Variants in STAU1 observed in about 807,000 individuals in gnomAD.
The protein encoded by STAU1 is staufen double-stranded RNA binding protein 1, also known as double-stranded RNA-binding protein Staufen homolog 1.
STAU1 carries 13 observed loss-of-function variants against 62.9 expected under a neutral mutation model. The observed-to-expected ratio is 0.21, with a 90% CI of 0.13 to 0.33. The LOEUF (loss-of-function observed/expected upper bound fraction) is 0.33. STAU1 is among the 10% of genes least tolerant of loss of function. The pLI, the probability that STAU1 is intolerant of heterozygous loss-of-function variation, is 1.00. For synonymous variants in STAU1, 269 were observed against 265.1 expected, an observed-to-expected ratio of 1.01 and a Z score of -0.14; for missense variants, 571 against 712.1, an observed-to-expected ratio of 0.80 and a Z score of 2.25.
intron 1 of STAU1, among the ~76,000 whole-genome samples, chr20:49,187,426 A>T (rs1371569805): frequency 6.6e-6 from 1 of 152,194 alleles, no homozygotes; most frequent in East Asian, 1.9e-4. Flanking sequence ...GCAGCCTCTA[A>T]GAAACCCAAA....
At chr20:49,142,999 C>G (rs1419171827) in intron 5 of STAU1, among the ~76,000 whole-genome samples, 1 of 151,976 alleles carries the variant, frequency 6.6e-6, no homozygotes, top group Non-Finnish European at 1.5e-5. Context: ...TGAGGTCTCT[C>G]CATCTTGTCC....
At chr20:49,200,281 A>G in the STAU1 span, among the ~76,000 whole-genome samples, 1 of 152,162 alleles carries the variant, frequency 6.6e-6, no homozygotes, top group East Asian at 1.9e-4. Flanking sequence ...CATTTGTAAA[A>G]TGGAATCCAA....
chr20:49,156,956 A>C (rs1450965533), intron 3 of STAU1, among the ~76,000 whole-genome samples: 1 of 151,906 alleles, frequency 6.6e-6, no homozygotes, highest in Non-Finnish European at 1.5e-5. Context: ...GGCTCAATGC[A>C]ACCTCCACCT....
the STAU1 span, among the ~76,000 whole-genome samples, chr20:49,206,719 T>TATATATATATATATA: frequency 2.8e-5 from 3 of 106,036 alleles, no homozygotes; most frequent in South Asian, 6.4e-4. Context: ...AAATGAAATT[T>TATATATATATATATA]TATATATATA....
intron 3 of STAU1, among the ~76,000 whole-genome samples, chr20:49,157,909 G>A (rs185636748): frequency 7.9e-5 from 12 of 151,946 alleles, no homozygotes; most frequent in East Asian, 7.8e-4. Flanking sequence ...AGGCATGAGC[G>A]TTTCTATTTT....
chr20:49,184,242 T>C (rs2093760511), intron 1 of STAU1, among the ~76,000 whole-genome samples: 1 of 152,038 alleles, frequency 6.6e-6, no homozygotes, highest in South Asian at 2.1e-4. Context: ...ACTGCACCAT[T>C]GCACTGCAGC....
At chr20:49,216,023 A>AG in the STAU1 span, among the ~76,000 whole-genome samples, 2 of 148,988 alleles carry the variant, frequency 1.3e-5, no homozygotes, top group African/African-American at 4.9e-5. Context: ...AAAAAAAAAA[A>AG]AAAAAAAAAA....
intron 5 of STAU1, among the ~76,000 whole-genome samples, chr20:49,147,269 T>C (rs2093149432): frequency 6.6e-6 from 1 of 152,230 alleles, no homozygotes; most frequent in Non-Finnish European, 1.5e-5. Flanking sequence ...GCAGCTCCAT[T>C]TGACTAAGTT....
chr20:49,156,827 G>GT (rs1280856112), intron 3 of STAU1, among the ~76,000 whole-genome samples: 2 of 149,584 alleles, frequency 1.3e-5, no homozygotes, highest in Non-Finnish European at 3.0e-5. Context: ...CTTTTTTGTT[G>GT]TTTTTTATAA....
intron 2 of STAU1, among the ~76,000 whole-genome samples, chr20:49,171,918 TAA>T (rs767623434): frequency 2.2e-4 from 29 of 130,898 alleles, no homozygotes; most frequent in African/African-American, 1.7e-4. Flanking sequence ...CAAACTACTT[TAA>T]AAAAAAAAAA....
intron 5 of STAU1, among the ~76,000 whole-genome samples, chr20:49,148,340 G>C (rs1349476566): frequency 1.3e-5 from 2 of 152,062 alleles, no homozygotes; most frequent in African/African-American, 4.8e-5. Flanking sequence ...TTACATTCAG[G>C]CTTTCTGTAT....
the STAU1 span, among the ~76,000 whole-genome samples, chr20:49,202,359 C>T: frequency 2.6e-5 from 4 of 151,868 alleles, no homozygotes; most frequent in African/African-American, 7.3e-5. Flanking sequence ...GTCGGGAGTT[C>T]GAGATCAGCC....
chr20:49,183,258 T>G (rs768688152), intron 1 of STAU1, among the ~76,000 whole-genome samples: 7 of 152,360 alleles, frequency 4.6e-5, no homozygotes, highest in Non-Finnish European at 8.8e-5. Flanking sequence ...AATCCCATTC[T>G]GAGAGAAAAG....
intron 6 of STAU1, among the ~76,000 whole-genome samples, chr20:49,125,240 A>C (rs1287223441): frequency 1.4e-5 from 2 of 147,112 alleles, no homozygotes; most frequent in Admixed American, 6.8e-5. Context: ...GATAAAAAAA[A>C]TCAATGGGCT....
At chr20:49,134,448 A>AAAAAAAAAAAAAAAAAAAAAAG in intron 6 of STAU1, 3 of 625,642 alleles carry the variant, frequency 4.8e-6, no homozygotes, top group Non-Finnish European at 5.7e-6. Context: ...AAAAAAAAAA[A>AAAAAAAAAAAAAAAAAAAAAAG]AGCTCTGGGT....
At chr20:49,183,044 A>G (rs1361036011) in intron 1 of STAU1, among the ~76,000 whole-genome samples, 2 of 152,216 alleles carry the variant, frequency 1.3e-5, no homozygotes, top group Admixed American at 6.5e-5. Context: ...CTGGCAATTT[A>G]TATTTTTTGG....
the STAU1 span, among the ~76,000 whole-genome samples, chr20:49,199,726 C>T: frequency 6.6e-6 from 1 of 151,938 alleles, no homozygotes; most frequent in Non-Finnish European, 1.5e-5. Flanking sequence ...GCGCCTGCCA[C>T]CACGCCCAGC....
intron 3 of STAU1, among the ~76,000 whole-genome samples, chr20:49,159,554 T>C (rs147675563): frequency 1.2e-4 from 18 of 152,278 alleles, no homozygotes; most frequent in African/African-American, 4.3e-4. Context: ...CTGACTTCTA[T>C]TTTTATTTTA....
At chr20:49,162,705 G>A (rs943400586) in intron 3 of STAU1, among the ~76,000 whole-genome samples, 21 of 151,794 alleles carry the variant, frequency 1.4e-4, no homozygotes, top group Non-Finnish European at 2.5e-4. Flanking sequence ...GAACCCGGGA[G>A]GCAGAGCTTG....
Sources: gnomAD v4.1 joint callset for allele counts (sites outside exome capture counted in the v4.1 genomes callset) on GRCh38, gnomAD v4.1.1 for gene constraint, MANE v1.5 for transcripts, NCBI Gene and HGNC (gene_info 2026-07-23, HGNC 2026-07-21) for gene names.